PRR5: variants seen among roughly 807,000 people sequenced by gnomAD.
PRR5 encodes proline rich 5, also known as proline-rich protein 5.
In PRR5, 25 loss-of-function variants were observed where a neutral mutation model predicts 30.6. The observed-to-expected ratio is 0.82, with a 90% CI of 0.60 to 1.14. PRR5 has a LOEUF of 1.14. Ranked by LOEUF, PRR5 falls within the 50% of genes most tolerant of loss-of-function variation. PRR5 has a pLI of 0.00. For missense variants in PRR5, 600 were observed against 547.1 expected (o/e 1.10, Z -0.96); for synonymous variants, 286 against 247.1 (o/e 1.16, Z -1.48).
At chr22:44,689,058 A>C (rs112400330) in intron 1 of PRR5, among the ~76,000 whole-genome samples, 2,855 of 152,262 alleles carry the variant, frequency 0.019, 89 homozygotes, top group African/African-American at 0.056. Context: ...CTTTTTTACA[A>C]GCTCGATCAT....
intron 6 of PRR5, chr22:44,734,270 C>CA (rs546033220): frequency 2.5e-3 from 365 of 147,578 alleles, no homozygotes; most frequent in Admixed American, 4.7e-3. Context: ...AACTCTGTCT[C>CA]AAAAAAAAAA....
At chr22:44,703,998 A>G (rs971069585) in intron 1 of PRR5, among the ~76,000 whole-genome samples, 4 of 152,070 alleles carry the variant, frequency 2.6e-5, no homozygotes, top group Non-Finnish European at 5.9e-5. Flanking sequence ...TCAAATCCCA[A>G]CTCTGCCTCT....
chr22:44,705,849 G>C (rs1469904837), intron 1 of PRR5, among the ~76,000 whole-genome samples: 1 of 151,990 alleles, frequency 6.6e-6, no homozygotes, highest in Non-Finnish European at 1.5e-5. Flanking sequence ...GGAGTGCAGT[G>C]GTGCAATCTC....
intron 1 of PRR5, chr22:44,679,778 G>A: frequency 1.3e-6 from 2 of 1,578,294 alleles, no homozygotes; most frequent in South Asian, 1.2e-5. Context: ...GATGGGGCAG[G>A]CTGGTCAGAA....
In PRR5 at chr22:44,730,054, G is replaced by A. The variant is rs374961968; in HGVS notation, c.323-1676G>A. 4.2e-5 allele frequency: 41 copies of A among 985,430 alleles called. No homozygotes were observed. The African/African-American group carries it at 6.3e-4, about 15-fold the overall frequency. The allele number at this position is 985,430 out of a possible 1,614,324, so 61.0% of individuals were successfully genotyped here. On this transcript the variant is annotated intron_variant, in intron 4 of 7. Transcript: ENST00000336985. ...TGGGCAGAGGGCTGGCCACTGGGCTGGGAGCCAAAGATGGGACCCAGTCCA... is the reference window on the plus strand; with the variant it reads ...TGGGCAGAGGGCTGGCCACTGGGCTAGGAGCCAAAGATGGGACCCAGTCCA...
In PRR5 at chr22:44,727,398, A is replaced by G. The variant is rs376647653; in HGVS notation, c.322+764A>G. Among the ~76,000 whole-genome samples the G allele has an allele frequency of 7.2e-5, 11 of 152,172 alleles. No homozygotes were observed. The East Asian group carries it at 9.6e-4, about 13-fold the overall frequency. ...GCTGCTTTGCTCGGGCTGTGCTGGG[A>G]TCGGGCCTGCGCTGTACCCGTGTGT... is the stretch of plus-strand genomic sequence containing the variant. On this transcript the variant is annotated intron_variant, in intron 4 of 7. Coordinates refer to ENST00000336985, the MANE Select transcript of PRR5 (RefSeq NM_181333.4).
At chr22:44,674,791 C>G (rs554164547), upstream of PRR5, among the ~76,000 whole-genome samples, 1 of 151,864 alleles carries the variant, frequency 6.6e-6, no homozygotes, top group Non-Finnish European at 1.5e-5. Context: ...CTAGAAAATA[C>G]AAAAATTAGC....
chr22:44,730,995 C>G, intron 4 of PRR5: 1 of 418,338 alleles, frequency 2.4e-6, no homozygotes, highest in South Asian at 1.9e-5. Flanking sequence ...AGCATCAGCG[C>G]CAGCACACAG....
chr22:44,736,997 C>T lies in PRR5; in HGVS notation c.917C>T (p.Thr306Ile), dbSNP rs775774233. The T allele has an allele frequency of 6.3e-7, 1 of 1,599,956 alleles. No individual in the cohort carries two copies. Among genetic ancestry groups the T allele is most frequent in the Non-Finnish European group, 8.5e-7 (1 of 1,173,354 alleles). Residue 306 changes from threonine to isoleucine, a missense_variant, in exon 8 of 8, where the codon ACC becomes ATC. By Grantham distance (89) the Thr-to-Ile change is moderately conservative (BLOSUM62 -1). Transcript: ENST00000336985. ...CCGCCCGGCCAGGGCCCCACCGGGA[C>T]CTTCAGGTCCTCCCCGGCGCCCCAC... ...SDPPGQGPTGTFRSSPAPHSG... is the reference protein window; with the variant it reads ...SDPPGQGPTGIFRSSPAPHSG...
upstream of PRR5, among the ~76,000 whole-genome samples, chr22:44,698,218 G>C (rs1925936802): frequency 6.6e-6 from 1 of 152,172 alleles, no homozygotes; most frequent in Non-Finnish European, 1.5e-5. Context: ...AATGAGTTTG[G>C]GTCCTGGGGA....
upstream of PRR5, among the ~76,000 whole-genome samples, chr22:44,673,803 A>G (rs1923557910): frequency 6.6e-6 from 1 of 152,156 alleles, no homozygotes; most frequent in African/African-American, 2.4e-5. Flanking sequence ...AGGGGCCAGG[A>G]GATCTACCTA....
upstream of PRR5, among the ~76,000 whole-genome samples, chr22:44,673,665 C>T (rs572317560): frequency 6.6e-6 from 1 of 152,334 alleles, no homozygotes; most frequent in African/African-American, 2.4e-5. Flanking sequence ...TCACTACTCT[C>T]TAAGCCCCTA....
intron 1 of PRR5, among the ~76,000 whole-genome samples, chr22:44,677,978 G>C (rs1037625141): frequency 6.6e-6 from 1 of 152,166 alleles, no homozygotes; most frequent in Non-Finnish European, 1.5e-5. Context: ...AAATAACCGG[G>C]AGCTGGTGCT....
intron 7 of PRR5, among the ~76,000 whole-genome samples, chr22:44,735,795 C>G (rs1923123670): frequency 6.6e-6 from 1 of 152,234 alleles, no homozygotes; most frequent in African/African-American, 2.4e-5. Context: ...GGGGCAAGGC[C>G]CGCTTGGGAC....
chr22:44,705,917 A>G (rs372860422), intron 1 of PRR5, among the ~76,000 whole-genome samples: 2 of 151,780 alleles, frequency 1.3e-5, no homozygotes, highest in Admixed American at 6.6e-5. Flanking sequence ...TCAGCCTCCC[A>G]AGTAGCTGGG....
At chr22:44,706,278 C>T (rs149761141) in intron 1 of PRR5, among the ~76,000 whole-genome samples, 25 of 152,142 alleles carry the variant, frequency 1.6e-4, no homozygotes, top group Non-Finnish European at 3.1e-4. Flanking sequence ...TTCATTCATT[C>T]GTTTATTCAT....
intron 1 of PRR5, among the ~76,000 whole-genome samples, chr22:44,690,319 G>A (rs908461502): frequency 2.0e-5 from 3 of 152,144 alleles, no homozygotes; most frequent in Non-Finnish European, 4.4e-5. Flanking sequence ...TGATGGAGGA[G>A]ACAAGCACAG....
chr22:44,688,714 A>G (rs1490072608), intron 1 of PRR5, among the ~76,000 whole-genome samples: 1 of 152,128 alleles, frequency 6.6e-6, no homozygotes, highest in Non-Finnish European at 1.5e-5. Flanking sequence ...GGCCAGGTGC[A>G]GTGTGGCTCA....
intron 4 of PRR5, chr22:44,730,998 G>A (rs1050407669): frequency 7.3e-6 from 3 of 411,144 alleles, no homozygotes; most frequent in Non-Finnish European, 1.5e-5. Flanking sequence ...ATCAGCGCCA[G>A]CACACAGTAG....
Sources: gnomAD v4.1 joint callset for allele counts (sites outside exome capture counted in the v4.1 genomes callset) on GRCh38, gnomAD v4.1.1 for gene constraint, MANE v1.5 for transcripts, NCBI Gene and HGNC (gene_info 2026-07-23, HGNC 2026-07-21) for gene names.